CSMD1: variants seen among roughly 807,000 people sequenced by gnomAD.
CSMD1 encodes CUB and sushi domain-containing protein 1.
CSMD1 carries 213 observed loss-of-function variants against 417.5 expected under a neutral mutation model. The observed-to-expected ratio is 0.51, with a 90% CI of 0.46 to 0.57. The LOEUF is 0.57. CSMD1 is among the 20% of genes least tolerant of loss of function. The pLI is 0.00. For synonymous variants in CSMD1, 2,862 were observed against 1,736.8 expected (o/e 1.65, Z -16.11); for missense variants, 6,923 against 4,529.7 (o/e 1.53, Z -15.17).
chr8:3,620,488 T>C lies in CSMD1; in HGVS notation c.1010-3691A>G, dbSNP rs552569526. Among the ~76,000 whole-genome samples the C allele has an allele frequency of 1.1e-4, 17 of 152,306 alleles. No homozygotes were observed. In the East Asian group the frequency reaches 1.9e-3, roughly 17 times the overall value. ...TGCATTTACGCTAATAGTTACATTA[T>C]ATATAAAGATGTAATTTACAACAGC... On this transcript the variant is annotated intron_variant, in intron 7 of 69. Coordinates refer to ENST00000635120, the MANE Select transcript of CSMD1 (RefSeq NM_033225.6).
chr8:4,907,297 C>T (rs1455986145), intron 1 of CSMD1, among the ~76,000 whole-genome samples: 1 of 152,104 alleles, frequency 6.6e-6, no homozygotes, highest in Non-Finnish European at 1.5e-5. Flanking sequence ...TTGATTTCTA[C>T]TATAAAAGCC....
chr8:2,976,955 G>A (rs1034986664), intron 55 of CSMD1, among the ~76,000 whole-genome samples: 1 of 150,564 alleles, frequency 6.6e-6, no homozygotes, highest in African/African-American at 2.5e-5. Flanking sequence ...AATTATCTCT[G>A]CCCAGAAGAA....
chr8:3,718,874 C>T (rs904458731), intron 6 of CSMD1, among the ~76,000 whole-genome samples: 10 of 152,014 alleles, frequency 6.6e-5, no homozygotes, highest in East Asian at 1.9e-4. Context: ...GATTGTTTTA[C>T]TTAGTCTTGT....
chr8:4,522,728 A>C (rs1195218845), intron 2 of CSMD1, among the ~76,000 whole-genome samples: 3 of 152,098 alleles, frequency 2.0e-5, no homozygotes, highest in African/African-American at 7.2e-5. Flanking sequence ...CCCCTACCCT[A>C]TCCACACGTG....
In CSMD1 at chr8:4,592,475, C is replaced by T. The variant is rs1041726903; in HGVS notation, c.302+44867G>A. ...GACCTTGACTCACTGCAACCTCCAC[C>T]TGCCAGGTTTAAGCGATTCTCCTGC... On this transcript the variant is annotated intron_variant, in intron 2 of 69. Coordinates refer to ENST00000635120, the MANE Select transcript of CSMD1 (RefSeq NM_033225.6). 7.2e-5 allele frequency among the ~76,000 whole-genome samples: 11 copies of T among 152,014 alleles called. No homozygotes were observed. The East Asian group carries it at 9.6e-4, about 13-fold the overall frequency.
intron 10 of CSMD1, among the ~76,000 whole-genome samples, chr8:3,551,933 C>G (rs1284898359): frequency 3.3e-5 from 5 of 152,096 alleles, no homozygotes; most frequent in African/African-American, 1.2e-4. Flanking sequence ...GTGGTTTTAG[C>G]TACTGAAAGA....
intron 3 of CSMD1, among the ~76,000 whole-genome samples, chr8:4,168,351 G>T (rs1007816191): frequency 6.6e-6 from 1 of 151,960 alleles, no homozygotes; most frequent in East Asian, 1.9e-4. Flanking sequence ...ATCCTTGATT[G>T]CGCCACTGTA....
At chr8:4,028,827 A>G (rs1797197697) in intron 4 of CSMD1, among the ~76,000 whole-genome samples, 1 of 152,214 alleles carries the variant, frequency 6.6e-6, no homozygotes, top group Admixed American at 6.5e-5. Context: ...ACCTCAATAA[A>G]TGTTAGGTAT....
chr8:4,552,261 T>A (rs1180975106), intron 2 of CSMD1, among the ~76,000 whole-genome samples: 1 of 152,152 alleles, frequency 6.6e-6, no homozygotes, highest in East Asian at 1.9e-4. Flanking sequence ...TCTGCTGTGT[T>A]TCTGCTTCAG....
At chr8:4,933,693 G>A in intron 1 of CSMD1, among the ~76,000 whole-genome samples, 1 of 152,124 alleles carries the variant, frequency 6.6e-6, no homozygotes, top group Admixed American at 6.5e-5. Flanking sequence ...AAAGATAAAT[G>A]GATGGATGGA....
At chr8:4,327,272 G>C (rs527720371) in intron 3 of CSMD1, among the ~76,000 whole-genome samples, 4 of 152,210 alleles carry the variant, frequency 2.6e-5, no homozygotes, top group Non-Finnish European at 4.4e-5. Flanking sequence ...ACAGTCAATT[G>C]CTCTTTAAGT....
intron 5 of CSMD1, among the ~76,000 whole-genome samples, chr8:3,915,498 A>C (rs1339143962): frequency 6.6e-6 from 1 of 151,836 alleles, no homozygotes; most frequent in Non-Finnish European, 1.5e-5. Context: ...GATGACATGA[A>C]ACAGGACATT....
intron 18 of CSMD1, among the ~76,000 whole-genome samples, chr8:3,385,128 A>AATATATAATAC (rs1810925416): frequency 5.4e-5 from 2 of 36,972 alleles, no homozygotes; most frequent in Non-Finnish European, 1.2e-4. Flanking sequence ...ATAATATATA[A>AATATATAATAC]ATATATAATA....
At chr8:4,174,410 T>G (rs1290750297) in intron 3 of CSMD1, among the ~76,000 whole-genome samples, 2 of 151,942 alleles carry the variant, frequency 1.3e-5, no homozygotes, top group African/African-American at 2.4e-5. Context: ...TAAGAGAAAT[T>G]GCACTTCACC....
At chr8:4,458,886 G>C (rs1037485280) in intron 2 of CSMD1, among the ~76,000 whole-genome samples, 1 of 152,174 alleles carries the variant, frequency 6.6e-6, no homozygotes, top group Non-Finnish European at 1.5e-5. Flanking sequence ...AGTGAAACAA[G>C]CACAATGGGT....
chr8:4,021,715 T>C (rs1796798415), intron 4 of CSMD1, among the ~76,000 whole-genome samples: 1 of 152,198 alleles, frequency 6.6e-6, no homozygotes, highest in South Asian at 2.1e-4. Flanking sequence ...TCTCTATGTA[T>C]TGTTGCAATA....
At chr8:3,800,159 G>T (rs147850828) in intron 5 of CSMD1, among the ~76,000 whole-genome samples, 2 of 152,166 alleles carry the variant, frequency 1.3e-5, no homozygotes, top group East Asian at 1.9e-4. Flanking sequence ...TGTGGAAAAA[G>T]AACAAAAATC....
At chr8:4,766,215 C>T (rs192188994) in intron 1 of CSMD1, among the ~76,000 whole-genome samples, 3 of 152,238 alleles carry the variant, frequency 2.0e-5, no homozygotes, top group Admixed American at 2.0e-4. Context: ...AGAGCATGTG[C>T]TGGTGCGTTG....
At chr8:3,206,871 G>T (rs1278585155) in intron 30 of CSMD1, among the ~76,000 whole-genome samples, 1 of 152,074 alleles carries the variant, frequency 6.6e-6, no homozygotes, top group Non-Finnish European at 1.5e-5. Flanking sequence ...TTGATATCCA[G>T]TCTTTAGATT....
Sources: gnomAD v4.1 joint callset for allele counts (sites outside exome capture counted in the v4.1 genomes callset) on GRCh38, gnomAD v4.1.1 for gene constraint, MANE v1.5 for transcripts, NCBI Gene and HGNC (gene_info 2026-07-23, HGNC 2026-07-21) for gene names.